TRAK2: variants seen among roughly 807,000 people sequenced by gnomAD.
The protein encoded by TRAK2 is trafficking kinesin protein 2, also known as trafficking kinesin-binding protein 2.
Under a neutral mutation model 104.6 loss-of-function variants are expected in TRAK2, and 81 were observed. The ratio of observed to expected loss-of-function variants is 0.77; its 90% CI spans 0.65 to 0.93. The LOEUF is 0.93. Among genes scored for constraint, TRAK2 ranks in the 40% least tolerant of loss-of-function variants. The pLI is 0.00. For synonymous variants in TRAK2, 406 were observed against 394.4 expected (o/e 1.03, Z -0.35); for missense variants, 1,002 against 1,089.0 (o/e 0.92, Z 1.12).
intron 2 of TRAK2, among the ~76,000 whole-genome samples, chr2:201,416,784 G>A (rs1308829260): frequency 6.6e-6 from 1 of 151,968 alleles, no homozygotes; most frequent in Non-Finnish European, 1.5e-5. Flanking sequence ...TTAAAGGTAT[G>A]TATTGCAACC....
chr2:201,429,549 C>G (rs907883741), intron 1 of TRAK2, among the ~76,000 whole-genome samples: 1 of 152,160 alleles, frequency 6.6e-6, no homozygotes, highest in Non-Finnish European at 1.5e-5. Context: ...GCCCTGGAGG[C>G]TTTGTTCATT....
intron 1 of TRAK2, among the ~76,000 whole-genome samples, chr2:201,424,849 C>T (rs370647862): frequency 3.3e-5 from 5 of 151,896 alleles, no homozygotes; most frequent in East Asian, 3.9e-4. Context: ...CCTCGTGATC[C>T]GCCCGCCTCG....
At chr2:201,390,881 G>A (rs551779182) in intron 10 of TRAK2, among the ~76,000 whole-genome samples, 1 of 151,926 alleles carries the variant, frequency 6.6e-6, no homozygotes, top group East Asian at 1.9e-4. Context: ...AACTAATATG[G>A]GTGACATGCT....
At position 201,382,434 on chromosome 2, in the gene TRAK2, C is replaced by T. The variant is rs573905334; in HGVS notation, c.2070-1216G>A. On this transcript the variant is annotated intron_variant, in intron 15 of 15. Transcript: ENST00000332624. ...CAACTTGTATAGGAACAGCAAAATT[C>T]AAATGAGTTTGACTCCCTGGTCAAA... is the stretch of plus-strand genomic sequence containing the variant. Among the ~76,000 whole-genome samples, 42 of 152,278 alleles carry T rather than the reference C, an allele frequency of 2.8e-4. No individual in the cohort carries two copies. The South Asian group carries it at 8.1e-3, about 29-fold the overall frequency.
Position 201,420,554 on chromosome 2 carries a change from A to G in TRAK2, c.-47T>C, listed in dbSNP as rs1180928437. 6.8e-7 allele frequency: 1 copy of G among 1,473,576 alleles called. No homozygotes were observed. The highest frequency in any genetic ancestry group is 1.4e-5 in the African/African-American group (1 of 72,268). The allele number at this position is 1,473,576 out of a possible 1,614,324, so 91.3% of individuals were successfully genotyped here. On this transcript the variant is annotated 5_prime_UTR_variant, in exon 2 of 16. Coordinates refer to ENST00000332624, the MANE Select transcript of TRAK2 (RefSeq NM_015049.3). ...GTTGAGAAGGACAGCTTTGGTATGA[A>G]TCAGAGTAAAGGAAATCCATCAAGC...
intron 3 of TRAK2, among the ~76,000 whole-genome samples, chr2:201,401,394 CACTT>C: frequency 6.6e-6 from 1 of 152,022 alleles, no homozygotes; most frequent in Non-Finnish European, 1.5e-5. Context: ...TTTGGCCACT[CACTT>C]ATGAGAATCT....
In TRAK2 at chr2:201,447,080, CT is replaced by C. The variant is rs1278418153; in HGVS notation, c.-200+4269del. Among the ~76,000 whole-genome samples the C allele has an allele frequency of 6.6e-6, 1 of 152,210 alleles. No individual in the cohort carries two copies. Among genetic ancestry groups the C allele is most frequent in the Admixed American group, 6.5e-5 (1 of 15,286 alleles). ...CTGTGGCACTAGCTACCTTGGTTAC[CT>C]TGTCTCCGGTCTTATTACCTTTCAT... On this transcript the variant is annotated intron_variant, in intron 1 of 15. Coordinates refer to ENST00000332624, the MANE Select transcript of TRAK2 (RefSeq NM_015049.3). The surrounding 1 kb of genome is among the most constrained non-coding windows in gnomAD (Gnocchi z 4.1).
rs773631466 is a variant in TRAK2 at position 201,381,105 on chromosome 2, C to T, written c.2183G>A (p.Arg728Gln). The stretch of plus-strand genomic sequence containing the variant: ...ACTGAAGGTTGTAGTGGAATCTCGT[C>T]GGTTGGTGATGGACTCACCAATGCT... Reference protein sequence around the residue: ...RLSIGESITNRRDSTTTFSST... With the variant: ...RLSIGESITNQRDSTTTFSST... Residue 728 changes from arginine to glutamine, a missense_variant, in exon 16 of 16, where the codon CGA becomes CAA. Physicochemically the swap from Arg to Gln is conservative, Grantham distance 43. Coordinates refer to ENST00000332624, the MANE Select transcript of TRAK2 (RefSeq NM_015049.3). 7.4e-6 allele frequency: 12 copies of T among 1,613,856 alleles called. No individual in the cohort carries two copies. The highest frequency in any genetic ancestry group is 5.5e-5 in the South Asian group (5 of 91,072).
chr2:201,434,581 CAT>C (rs1233453874), intron 1 of TRAK2, among the ~76,000 whole-genome samples: 26 of 151,868 alleles, frequency 1.7e-4, no homozygotes, highest in Admixed American at 1.7e-3. Flanking sequence ...TTTATAAGAC[CAT>C]ATAAAGACTT....
At chr2:201,412,503 AT>A in intron 2 of TRAK2, 1 of 1,156,598 alleles carries the variant, frequency 8.6e-7, no homozygotes, top group South Asian at 1.3e-5. Flanking sequence ...TGTCTTGCTT[AT>A]TGCCTTCAAA....
Position 201,377,337 on chromosome 2 carries a change from G to A in TRAK2, c.*3206C>T, listed in dbSNP as rs1951297437. The A allele has an allele frequency of 6.6e-6, 1 of 152,220 alleles. No homozygotes were observed. The highest frequency in any genetic ancestry group is 1.5e-5 in the Non-Finnish European group (1 of 68,050). The allele number at this position is 152,220 out of a possible 1,614,324, so 9.4% of individuals were successfully genotyped here. ...TAGTATTCCCCTGGCTGCCCTAGAG[G>A]GCACTTGTGCCCACTCTGAGGGGGA... On this transcript the variant is annotated 3_prime_UTR_variant, in exon 16 of 16. Transcript: ENST00000332624.
intron 1 of TRAK2, among the ~76,000 whole-genome samples, chr2:201,437,361 A>G (rs1481282167): frequency 6.6e-6 from 1 of 151,880 alleles, no homozygotes; most frequent in African/African-American, 2.4e-5. Flanking sequence ...AATCTCATCT[A>G]CTTCAAAGGC....
At chr2:201,426,026 T>C (rs1951784876) in intron 1 of TRAK2, among the ~76,000 whole-genome samples, 1 of 152,246 alleles carries the variant, frequency 6.6e-6, no homozygotes, top group African/African-American at 2.4e-5. Context: ...ACAAAAATTT[T>C]ATATGTTTCG....
chr2:201,432,248 T>A (rs1951848144), intron 1 of TRAK2, among the ~76,000 whole-genome samples: 1 of 152,200 alleles, frequency 6.6e-6, no homozygotes, highest in Non-Finnish European at 1.5e-5. Context: ...GATGCATGAA[T>A]AAACCAAAAG....
chr2:201,393,161 A>C, intron 9 of TRAK2, 115 bp from the exon 10 acceptor site: 1 of 954,408 alleles, frequency 1.0e-6, no homozygotes. Flanking sequence ...AGCTAACTTT[A>C]TGAATATCAT....
At chr2:201,418,130 T>C (rs555936143) in intron 2 of TRAK2, among the ~76,000 whole-genome samples, 1 of 152,350 alleles carries the variant, frequency 6.6e-6, no homozygotes, top group Admixed American at 6.5e-5. Context: ...ACAGAGTCTA[T>C]GTAATTCCAT....
At position 201,389,840 on chromosome 2, in the gene TRAK2, T is replaced by C; in HGVS notation, c.1154A>G (p.Lys385Arg). ...AAEIEGTMRK[K>R]LSLDEESSLF... is the part of the protein sequence containing the mutation. The stretch of plus-strand genomic sequence containing the variant: ...AGAAGATTCCTCATCCAAACTCAGC[T>C]TTTTACGCATAGTCCCCTCAATCTC... Residue 385 changes from lysine (K) to arginine (R), a missense_variant, in exon 11 of 16, where the codon AAG (lysine) becomes AGG (arginine). Lys to Arg is a conservative substitution (Grantham distance 26). Coordinates refer to ENST00000332624, the MANE Select transcript of TRAK2 (RefSeq NM_015049.3). The C allele has an allele frequency of 6.2e-7, 1 of 1,613,862 alleles. No individual in the cohort carries two copies. Among genetic ancestry groups the C allele is most frequent in the South Asian group, 1.1e-5 (1 of 90,992 alleles).
chr2:201,429,973 A>G (rs1301303212), intron 1 of TRAK2, among the ~76,000 whole-genome samples: 2 of 152,026 alleles, frequency 1.3e-5, no homozygotes, highest in African/African-American at 4.8e-5. Flanking sequence ...TTGCGGTTTT[A>G]TCTACCTTTG....
intron 11 of TRAK2, 110 bp from the exon 12 acceptor site, chr2:201,389,613 A>G: frequency 1.7e-6 from 2 of 1,144,494 alleles, no homozygotes; most frequent in Non-Finnish European, 1.3e-6. Flanking sequence ...GGAGCTATTT[A>G]GGAGAAATCA....
Sources: gnomAD v4.1 joint callset for allele counts (sites outside exome capture counted in the v4.1 genomes callset) on GRCh38, gnomAD v4.1.1 for gene constraint, Gnocchi (gnomAD v3.1) non-coding constraint, MANE v1.5 for transcripts, NCBI Gene and HGNC (gene_info 2026-07-23, HGNC 2026-07-21) for gene names.